COL22A1: variants seen among roughly 807,000 people sequenced by gnomAD.
The protein encoded by COL22A1 is collagen alpha-1(XXII) chain.
In COL22A1, 221 loss-of-function variants were observed where a neutral mutation model predicts 248.9. The observed-to-expected ratio is 0.89, with a 90% CI of 0.80 to 0.99. The LOEUF (loss-of-function observed/expected upper bound fraction) is 0.99. Among genes scored for constraint, COL22A1 ranks in the 50% least tolerant of loss-of-function variants. The pLI, the probability that COL22A1 is intolerant of heterozygous loss-of-function variation, is 0.00. For synonymous variants in COL22A1, 891 were observed against 793.4 expected (o/e 1.12, Z -2.07); for missense variants, 2,240 against 2,179.0 (o/e 1.03, Z -0.56).
intron 12 of COL22A1, among the ~76,000 whole-genome samples, chr8:138,785,495 C>A (rs1815438532): frequency 1.3e-5 from 2 of 152,218 alleles, no homozygotes; most frequent in African/African-American, 4.8e-5. Context: ...GTGCCTCCCT[C>A]CAGAATCAGG....
At chr8:138,658,108 C>A (rs1410901751) in intron 44 of COL22A1, among the ~76,000 whole-genome samples, 1 of 152,174 alleles carries the variant, frequency 6.6e-6, no homozygotes, top group African/African-American at 2.4e-5. Context: ...GATCCTGGAA[C>A]AGGAATTCTA....
At chr8:138,619,329 G>T (rs757669876) in intron 53 of COL22A1, 126 bp downstream of exon 53, 2 of 747,472 alleles carry the variant, frequency 2.7e-6, no homozygotes, top group Non-Finnish European at 4.6e-6. Flanking sequence ...AAGCACAGCC[G>T]TCTGGAGGAG....
chr8:138,815,624 ATGAT>A (rs1266293874), intron 7 of COL22A1, among the ~76,000 whole-genome samples: 1 of 152,168 alleles, frequency 6.6e-6, no homozygotes, highest in African/African-American at 2.4e-5. Flanking sequence ...CTCACAATGA[ATGAT>A]TCTGTCTGTT....
At position 138,685,266 on chromosome 8, in the gene COL22A1, C is replaced by A. The variant is rs779584696; in HGVS notation, c.2909G>T (p.Gly970Val). Residue 970 changes from glycine to valine, a missense_variant, in exon 38 of 65, where the codon GGA becomes GTA. Transcript: ENST00000303045. ...EGSPGPVGPR[G>V]DPGAPGLPGP... Reference sequence around the variant, plus strand: ...AGGGAGCCCAGGAGCACCAGGATCTCCCCTGGGACCAACTGGCCCTGGGCT... The same window carrying A: ...AGGGAGCCCAGGAGCACCAGGATCTACCCTGGGACCAACTGGCCCTGGGCT... 5.6e-6 allele frequency: 9 copies of A among 1,613,826 alleles called. No homozygotes were observed. The highest frequency in any genetic ancestry group is 1.3e-5 in the African/African-American group (1 of 74,906).
rs765605537 is a variant in COL22A1, at chr8:138,615,992, C to T, written c.3924+9G>A. On this transcript the variant is annotated intron_variant, in intron 55 of 64. Transcript: ENST00000303045. The stretch of plus-strand genomic sequence containing the variant: ...CCAGCCCAGCCAGGTCCCACAGGAC[C>T]CCACTTACATCTTTTCCTGGTAACC... 9 of 1,610,812 alleles carry T rather than the reference C, an allele frequency of 5.6e-6. No individual in the cohort carries two copies. Among genetic ancestry groups the T allele is most frequent in the African/African-American group, 1.3e-5 (1 of 74,940 alleles).
chr8:138,733,203 A>G (rs10110621), intron 23 of COL22A1, among the ~76,000 whole-genome samples: 12,546 of 152,270 alleles, frequency 0.082, 768 homozygotes, highest in African/African-American at 0.17. Flanking sequence ...CACTGCCTGC[A>G]CATAAACACT....
At position 138,755,823 on chromosome 8, in the gene COL22A1, C is replaced by T. The variant is rs749051506; in HGVS notation, c.1909G>A (p.Val637Met). ...ACACCAGGTGGCCCCGCAGGTCCCA[C>T]GTCACCCTGCACAGAAACGACAAAC... Reference protein sequence around the residue: ...VAGPQGEKGDVGPAGPPGVPG... With the variant: ...VAGPQGEKGDMGPAGPPGVPG... The change falls in exon 19 of 65, where the codon GTG (valine) becomes ATG (methionine). Residue 637 changes from valine to methionine, a missense_variant. By Grantham distance (21) the Val-to-Met change is conservative. Coordinates refer to ENST00000303045, the MANE Select transcript of COL22A1 (RefSeq NM_152888.3). The T allele has an allele frequency of 9.9e-6, 16 of 1,613,954 alleles. No homozygotes were observed. Among genetic ancestry groups the T allele is most frequent in the Admixed American group, 8.3e-5 (5 of 60,002 alleles).
At chr8:138,767,487 C>T (rs1350379309) in intron 16 of COL22A1, among the ~76,000 whole-genome samples, 1 of 151,916 alleles carries the variant, frequency 6.6e-6, no homozygotes, top group African/African-American at 2.4e-5. Context: ...ACAAAACACA[C>T]AAAAAAGGAA....
chr8:138,760,391 C>A (rs1586672852), intron 17 of COL22A1, 104 bp from the exon 18 acceptor site: 1 of 1,085,900 alleles, frequency 9.2e-7, no homozygotes, highest in South Asian at 1.6e-5. Flanking sequence ...TGTGGCTAGA[C>A]TTTTCTTCAG....
At position 138,685,364 on chromosome 8, in the gene COL22A1, T is replaced by C. The variant is rs374952975; in HGVS notation, c.2863-52A>G. On this transcript the variant is annotated intron_variant, in intron 37 of 64. Transcript: ENST00000303045. ...GGGTCAATTACACTCAGCACGAAGC[T>C]TTTCTATGGGGGAGCAGCTTGAGTA... The C allele has an allele frequency of 2.6e-5, 39 of 1,480,598 alleles. No individual in the cohort carries two copies. The African/African-American group carries it at 5.1e-4, about 20-fold the overall frequency. 91.7% of individuals were successfully genotyped at this position (1,480,598 alleles called of 1,614,324 possible). A position where few individuals can be genotyped will look rare whatever the true frequency, so the allele number is the denominator to read the frequency against.
intron 1 of COL22A1, among the ~76,000 whole-genome samples, chr8:138,898,980 T>C (rs887070922): frequency 3.3e-5 from 5 of 152,220 alleles, no homozygotes; most frequent in African/African-American, 1.2e-4. Context: ...CTATTTTTTC[T>C]TACTGCTTTC....
intron 23 of COL22A1, 48 bp from the exon 24 acceptor site, chr8:138,725,488 C>G: frequency 6.6e-7 from 1 of 1,512,884 alleles, no homozygotes; most frequent in South Asian, 1.2e-5. Context: ...CCTGATGAGC[C>G]TCCTAGGGAC....
intron 10 of COL22A1, 61 bp from the exon 11 acceptor site, chr8:138,802,995 C>A (rs1461297342): frequency 1.5e-6 from 2 of 1,338,412 alleles, no homozygotes; most frequent in Non-Finnish European, 2.2e-6. Flanking sequence ...CTCTTGCACA[C>A]ACAGGACCCT....
At chr8:138,776,459 G>C (rs138410827) in intron 15 of COL22A1, among the ~76,000 whole-genome samples, 1 of 152,090 alleles carries the variant, frequency 6.6e-6, no homozygotes, top group Non-Finnish European at 1.5e-5. Context: ...CTCCTCCCTC[G>C]GGGATAGGGT....
At chr8:138,767,347 G>T (rs1224104897) in intron 16 of COL22A1, among the ~76,000 whole-genome samples, 1 of 152,150 alleles carries the variant, frequency 6.6e-6, no homozygotes, top group Non-Finnish European at 1.5e-5. Context: ...AGGTGCTGGG[G>T]ACATAAGGGC....
intron 35 of COL22A1, among the ~76,000 whole-genome samples, chr8:138,691,892 A>ATGTGTGGC (rs1826983766): frequency 1.4e-5 from 1 of 69,978 alleles, no homozygotes; most frequent in Non-Finnish European, 3.0e-5. Context: ...GTATGTGTGG[A>ATGTGTGGC]GGTGTATGTG....
At chr8:138,907,986 C>T (rs1478927711) in intron 1 of COL22A1, among the ~76,000 whole-genome samples, 1 of 152,174 alleles carries the variant, frequency 6.6e-6, no homozygotes, top group East Asian at 1.9e-4. Flanking sequence ...GGGAGACACA[C>T]TCAAATCGTA....
intron 3 of COL22A1, among the ~76,000 whole-genome samples, chr8:138,846,095 A>G (rs538789462): frequency 6.6e-6 from 1 of 152,288 alleles, no homozygotes; most frequent in African/African-American, 2.4e-5. Context: ...GGAAGGGGTT[A>G]TTTTGGAAAC....
chr8:138,885,863 T>C (rs1245543492), intron 1 of COL22A1, among the ~76,000 whole-genome samples: 1 of 152,208 alleles, frequency 6.6e-6, no homozygotes, highest in African/African-American at 2.4e-5. Context: ...GCGCCCAGCC[T>C]CACACAGCTT....
Sources: gnomAD v4.1 joint callset for allele counts (sites outside exome capture counted in the v4.1 genomes callset) on GRCh38, gnomAD v4.1.1 for gene constraint, MANE v1.5 for transcripts, NCBI Gene and HGNC (gene_info 2026-07-23, HGNC 2026-07-21) for gene names.